The following PARVA variants were observed in gnomAD, a reference collection of about 807,000 sequenced individuals.
PARVA encodes the protein alpha-parvin.
In PARVA, 25 loss-of-function variants were observed where a neutral mutation model predicts 52.6. That is an observed-to-expected ratio of 0.48 (90% CI 0.35 to 0.66). The LOEUF is 0.66. Among genes scored for constraint, PARVA ranks in the 30% least tolerant of loss-of-function variants. The pLI is 0.01. For synonymous variants in PARVA, 185 were observed against 179.1 expected, an observed-to-expected ratio of 1.03 and a Z score of -0.26; for missense variants, 373 against 450.9, an observed-to-expected ratio of 0.83 and a Z score of 1.56.
intron 1 of PARVA, among the ~76,000 whole-genome samples, chr11:12,409,156 G>T (rs1424946615): frequency 6.6e-6 from 1 of 152,188 alleles, no homozygotes; most frequent in Non-Finnish European, 1.5e-5. Flanking sequence ...ACCAGTTCTG[G>T]TTTCTTAACA....
chr11:12,496,143 A>C (rs940960928), intron 4 of PARVA, among the ~76,000 whole-genome samples: 2 of 152,206 alleles, frequency 1.3e-5, no homozygotes, highest in South Asian at 4.1e-4. Flanking sequence ...ATGTCCTTGG[A>C]GAAGATAGAA....
At chr11:12,430,206 G>A (rs1940297819) in intron 1 of PARVA, among the ~76,000 whole-genome samples, 1 of 152,160 alleles carries the variant, frequency 6.6e-6, no homozygotes, top group South Asian at 2.1e-4. Flanking sequence ...TTGTGTAGTA[G>A]TACTTCTGCC....
intron 1 of PARVA, among the ~76,000 whole-genome samples, chr11:12,458,843 T>G (rs1940734535): frequency 6.6e-6 from 1 of 152,232 alleles, no homozygotes; most frequent in Non-Finnish European, 1.5e-5. Flanking sequence ...GAAAGTCGCC[T>G]TGAGACACTT....
Position 12,529,915 on chromosome 11 carries a change from C to A in PARVA, c.*1990C>A, listed in dbSNP as rs1372143215. 6.6e-6 allele frequency: 1 copy of A among 151,966 alleles called. No individual in the cohort carries two copies. The highest frequency in any genetic ancestry group is 1.5e-5 in the Non-Finnish European group (1 of 67,962). The allele number at this position is 151,966 out of a possible 1,614,324, so 9.4% of individuals were successfully genotyped here. On this transcript the variant is annotated 3_prime_UTR_variant, in exon 13 of 13. Coordinates refer to ENST00000334956, the MANE Select transcript of PARVA (RefSeq NM_018222.5). Reference sequence around the variant, plus strand: ...GGAAACACTAAATAGTGTAATATTTCTTTTGCTTTTAAAAAAATTCCTGGT... The same window carrying A: ...GGAAACACTAAATAGTGTAATATTTATTTTGCTTTTAAAAAAATTCCTGGT...
intron 1 of PARVA, among the ~76,000 whole-genome samples, chr11:12,456,173 G>A (rs780633017): frequency 3.9e-5 from 6 of 152,106 alleles, no homozygotes; most frequent in South Asian, 2.1e-4. Flanking sequence ...GTATGTATGC[G>A]TTGTTGGCAT....
At chr11:12,495,621 CTTTTT>C in intron 4 of PARVA, among the ~76,000 whole-genome samples, 1 of 150,412 alleles carries the variant, frequency 6.6e-6, no homozygotes, top group African/African-American at 2.5e-5. Flanking sequence ...TGAGTTTTTC[CTTTTT>C]TTTAAGTATT....
At chr11:12,473,609 G>C in intron 1 of PARVA, 136 bp from the exon 2 acceptor site, 1 of 674,634 alleles carries the variant, frequency 1.5e-6, no homozygotes, top group Non-Finnish European at 2.6e-6. Flanking sequence ...TGAATTGATC[G>C]TAGGCTGAGT....
intron 1 of PARVA, among the ~76,000 whole-genome samples, chr11:12,460,021 AT>A (rs1342002211): frequency 2.0e-5 from 3 of 152,198 alleles, no homozygotes; most frequent in Non-Finnish European, 4.4e-5. Flanking sequence ...ATTATTCTCC[AT>A]TAAATTTTCT....
chr11:12,474,901 G>A (rs1455793665), intron 3 of PARVA, among the ~76,000 whole-genome samples: 1 of 151,760 alleles, frequency 6.6e-6, no homozygotes, highest in East Asian at 1.9e-4. Context: ...GGGAGGCAGA[G>A]GTTGCAGTGA....
intron 3 of PARVA, among the ~76,000 whole-genome samples, chr11:12,477,546 G>A (rs1941031640): frequency 6.6e-6 from 1 of 152,142 alleles, no homozygotes; most frequent in Admixed American, 6.5e-5. Flanking sequence ...ACAGCTACCT[G>A]TGCACACACT....
intron 1 of PARVA, among the ~76,000 whole-genome samples, chr11:12,407,885 C>G (rs925301970): frequency 2.0e-5 from 3 of 152,144 alleles, no homozygotes; most frequent in Non-Finnish European, 2.9e-5. Flanking sequence ...ATCCATCCTG[C>G]CTTCCATTGC....
chr11:12,384,466 A>C (rs1242167606), intron 1 of PARVA, among the ~76,000 whole-genome samples: 1 of 152,220 alleles, frequency 6.6e-6, no homozygotes, highest in Non-Finnish European at 1.5e-5. Flanking sequence ...GACAGGTAAT[A>C]AACAAGATAA....
At chr11:12,469,726 G>A (rs571549963) in intron 1 of PARVA, among the ~76,000 whole-genome samples, 3 of 152,064 alleles carry the variant, frequency 2.0e-5, no homozygotes, top group Admixed American at 6.5e-5. Flanking sequence ...GTACCAAATC[G>A]TTTCCTGAAA....
At chr11:12,385,983 A>G (rs1443844168) in intron 1 of PARVA, among the ~76,000 whole-genome samples, 2 of 152,192 alleles carry the variant, frequency 1.3e-5, no homozygotes, top group African/African-American at 2.4e-5. Context: ...ATATCTAAAT[A>G]TCACTGCTTT....
chr11:12,445,642 G>A (rs775623461), intron 1 of PARVA, among the ~76,000 whole-genome samples: 2 of 152,126 alleles, frequency 1.3e-5, no homozygotes, highest in African/African-American at 2.4e-5. Context: ...GCCTGCCCTC[G>A]TAAGGTTGGG....
chr11:12,454,587 A>C (rs1026808596), intron 1 of PARVA, among the ~76,000 whole-genome samples: 2 of 151,798 alleles, frequency 1.3e-5, no homozygotes, highest in Non-Finnish European at 2.9e-5. Flanking sequence ...AAAAAAAAAA[A>C]AAAGAAGAAG....
intron 12 of PARVA, among the ~76,000 whole-genome samples, chr11:12,518,801 G>C (rs987655254): frequency 6.6e-6 from 1 of 152,206 alleles, no homozygotes; most frequent in Non-Finnish European, 1.5e-5. Context: ...CCAATTTCCA[G>C]GTTTTCCTGT....
intron 1 of PARVA, among the ~76,000 whole-genome samples, chr11:12,392,770 A>G (rs1479639549): frequency 6.6e-6 from 1 of 152,146 alleles, no homozygotes; most frequent in Non-Finnish European, 1.5e-5. Flanking sequence ...TAAACATTTT[A>G]CAGAGTTCAG....
At chr11:12,397,163 C>T (rs1939759761) in intron 1 of PARVA, among the ~76,000 whole-genome samples, 1 of 152,068 alleles carries the variant, frequency 6.6e-6, no homozygotes, top group Non-Finnish European at 1.5e-5. Context: ...TAATAGGTTC[C>T]CTATTGATGA....
Sources: gnomAD v4.1 joint callset for allele counts (sites outside exome capture counted in the v4.1 genomes callset) on GRCh38, gnomAD v4.1.1 for gene constraint, MANE v1.5 for transcripts, NCBI Gene and HGNC (gene_info 2026-07-23, HGNC 2026-07-21) for gene names.